TRAM1L1: variants seen among roughly 807,000 people sequenced by gnomAD.
TRAM1L1 encodes translocation associated membrane protein 1 like 1.
For synonymous variants in TRAM1L1, 189 were observed against 163.6 expected (o/e 1.16, Z -1.18); for missense variants, 451 against 439.9 (o/e 1.03, Z -0.23).
In TRAM1L1 at chr4:117,084,226, GA is replaced by G; in HGVS notation, c.*57del. ...CAAAAACAGAAAAATCTCTAGTGCA[GA>G]AAGAAACCTCAAAGAGCAGATTCCT... On this transcript the variant is annotated 3_prime_UTR_variant, in exon 1 of 1. Transcript: ENST00000310754. 6.7e-7 allele frequency: 1 copy of G among 1,501,908 alleles called. No individual in the cohort carries two copies. Among genetic ancestry groups the G allele is most frequent in the South Asian group, 1.4e-5 (1 of 72,616 alleles). 93.0% of individuals were successfully genotyped at this position (1,501,908 alleles called of 1,614,324 possible). A position where few individuals can be genotyped will look rare whatever the true frequency, so the allele number is the denominator to read the frequency against.
In TRAM1L1 at chr4:117,084,696, G is replaced by A. The variant is rs1471220289; in HGVS notation, c.698C>T (p.Ser233Phe). 6.2e-7 allele frequency: 1 copy of A among 1,613,978 alleles called. No individual in the cohort carries two copies. Among genetic ancestry groups the A allele is most frequent in the Non-Finnish European group, 8.5e-7 (1 of 1,180,028 alleles). The stretch of plus-strand genomic sequence containing the variant: ...AAAGTAAAACAGGCCGCACATGTGG[G>A]AAAGTAATTCAACAAAATAATGCAG... ...LVLHYFVELLSHMCGLFYFSD... is the reference protein window; with the variant it reads ...LVLHYFVELLFHMCGLFYFSD... Residue 233 changes from serine to phenylalanine, a missense_variant, in exon 1 of 1, where the codon TCC becomes TTC. Physicochemically the swap from Ser to Phe is radical, Grantham distance 155. Transcript: ENST00000310754.
At position 117,085,097 on chromosome 4, in the gene TRAM1L1, T is replaced by C; in HGVS notation, c.297A>G (p.Glu99=). The change falls in exon 1 of 1, where the codon GAA becomes GAG. Residue 99 remains glutamate (E), a synonymous_variant. Transcript: ENST00000310754. Reference sequence around the variant, plus strand: ...TCTTGTTAATTTTATCCAACACATATTCCTGAATTGTGGCATGAATAATGA... The same window carrying C: ...TCTTGTTAATTTTATCCAACACATACTCCTGAATTGTGGCATGAATAATGA... ...VAIIIHATIQ[E]YVLDKINKRM... is the part of the protein sequence containing the mutation. 6.2e-7 allele frequency: 1 copy of C among 1,614,174 alleles called. No homozygotes were observed. The highest frequency in any genetic ancestry group is 1.1e-5 in the South Asian group (1 of 91,088).
In TRAM1L1 at chr4:117,085,075, T is replaced by A; in HGVS notation, c.319A>T (p.Lys107Ter). 1 of 1,614,132 alleles carries A rather than the reference T, an allele frequency of 6.2e-7. No individual in the cohort carries two copies. Residue 107 changes from lysine to a stop codon, truncating the protein, a stop_gained, in exon 1 of 1, where the codon AAG becomes TAG. Transcript: ENST00000310754. LOFTEE classifies it low-confidence loss of function (END_TRUNC). ...IQEYVLDKIN[K>*]RMQFTKAKQN... The stretch of plus-strand genomic sequence containing the variant: ...TTCGCTTTGGTGAACTGCATTCTCT[T>A]GTTAATTTTATCCAACACATATTCC...
Position 117,084,296 on chromosome 4 carries a change from CT to C in TRAM1L1, c.1097del (p.Glu366GlyfsTer12). ...GCGCTTGCAAAGATTATGAAGATTT[CT>C]CTTTCCTCTTTGGCGGACAGTCTAC... ...NRVDCPPKRK[E>X]KSS On this transcript the variant is annotated frameshift_variant, in exon 1 of 1. Coordinates refer to ENST00000310754, the MANE Select transcript of TRAM1L1 (RefSeq NM_152402.3). LOFTEE classifies it high-confidence loss of function. 1 of 1,606,342 alleles carries C rather than the reference CT, an allele frequency of 6.2e-7. No homozygotes were observed. Among genetic ancestry groups the C allele is most frequent in the Non-Finnish European group, 8.5e-7 (1 of 1,177,558 alleles).
Position 117,084,932 on chromosome 4 carries a change from C to A in TRAM1L1, c.462G>T (p.Lys154Asn), listed in dbSNP as rs763042430. 61 of 1,614,012 alleles carry A rather than the reference C, an allele frequency of 3.8e-5. No individual in the cohort carries two copies. The highest frequency in any genetic ancestry group is 5.0e-5 in the Non-Finnish European group (59 of 1,180,016). ...NCLSDPTLIW[K>N]ARPHSMMTFQ... ...ATGTCATCATGCTATGGGGACGAGC[C>A]TTCCATATAAGAGTTGGGTCTGACA... Residue 154 changes from lysine (K) to asparagine (N), a missense_variant, in exon 1 of 1, where the codon AAG (lysine) becomes AAT (asparagine). Lys to Asn is a moderately conservative substitution (Grantham distance 94). Coordinates refer to ENST00000310754, the MANE Select transcript of TRAM1L1 (RefSeq NM_152402.3).
Position 117,085,441 on chromosome 4 carries a change from T to G in TRAM1L1, c.-48A>C. ...CCGGCGAGCCGCAGCTGCCTCCCCC[T>G]GGCTGCTCCTCACAGCGCCGCCGCC... On this transcript the variant is annotated 5_prime_UTR_variant, in exon 1 of 1. Transcript: ENST00000310754. 5 of 1,568,366 alleles carry G rather than the reference T, an allele frequency of 3.2e-6. No homozygotes were observed. The highest frequency in any genetic ancestry group is 4.3e-6 in the Non-Finnish European group (5 of 1,154,218).
chr4:117,084,717 T>G lies in TRAM1L1; in HGVS notation c.677A>C (p.His226Pro). ...GTGGGAAAGTAATTCAACAAAATAA[T>G]GCAGTACCAAAAGAAGAAGTCCCAA... ...NHLGLLLLVL[H>P]YFVELLSHMC... The change falls in exon 1 of 1, where the codon CAT becomes CCT. Residue 226 changes from histidine (H) to proline (P), a missense_variant. Coordinates refer to ENST00000310754, the MANE Select transcript of TRAM1L1 (RefSeq NM_152402.3). The G allele has an allele frequency of 6.2e-7, 1 of 1,614,016 alleles. No homozygotes were observed. The highest frequency in any genetic ancestry group is 8.5e-7 in the Non-Finnish European group (1 of 1,179,994).
chr4:117,085,364 G>T lies in TRAM1L1; in HGVS notation c.30C>A (p.Asn10Lys), dbSNP rs374197132. ...TGAATTCCTGGCTGAGAACGGGGGGGTTCTTGGTGCTCTTCTTACGGAGCC... is the reference window on the plus strand; with the variant it reads ...TGAATTCCTGGCTGAGAACGGGGGGTTTCTTGGTGCTCTTCTTACGGAGCC... MGLRKKSTK[N>K]PPVLSQEFIL... The change falls in exon 1 of 1, where the codon AAC (asparagine) becomes AAA (lysine). Residue 10 changes from asparagine (N) to lysine (K), a missense_variant. Physicochemically the swap from Asn to Lys is moderately conservative, Grantham distance 94 (BLOSUM62 0). Transcript: ENST00000310754. 9 of 1,613,188 alleles carry T rather than the reference G, an allele frequency of 5.6e-6. No individual in the cohort carries two copies. In the Admixed American group the frequency reaches 1.3e-4, roughly 24 times the overall value.
chr4:117,083,945 G>GT lies in TRAM1L1; in HGVS notation c.*338dup, dbSNP rs1732399557. 5.1e-6 allele frequency: 1 copy of GT among 196,696 alleles called. No homozygotes were observed. Among genetic ancestry groups the GT allele is most frequent in the African/African-American group, 2.3e-5 (1 of 42,760 alleles). The allele number at this position is 196,696 out of a possible 1,614,324, so 12.2% of individuals were successfully genotyped here. On this transcript the variant is annotated 3_prime_UTR_variant, in exon 1 of 1. Transcript: ENST00000310754. ...TTAGTATTATGAAACACTGGTGGGA[G>GT]TAAGAACCAGTATCATTGATATGCA...
chr4:117,085,357 C>A lies in TRAM1L1; in HGVS notation c.37G>T (p.Val13Phe). ...TGCAGGATGAATTCCTGGCTGAGAA[C>A]GGGGGGGTTCTTGGTGCTCTTCTTA... ...LRKKSTKNPP[V>F]LSQEFILQNH... Residue 13 changes from valine (V) to phenylalanine (F), a missense_variant, in exon 1 of 1, where the codon GTT becomes TTT. By Grantham distance (50) the Val-to-Phe change is conservative (BLOSUM62 -1). Transcript: ENST00000310754. 3 of 1,613,466 alleles carry A rather than the reference C, an allele frequency of 1.9e-6. No homozygotes were observed. The highest frequency in any genetic ancestry group is 2.5e-6 in the Non-Finnish European group (3 of 1,179,688).
rs150280299 is a variant in TRAM1L1 at position 117,084,697 on chromosome 4, A to C, written c.697T>G (p.Ser233Ala). 102 of 1,614,084 alleles carry C rather than the reference A, an allele frequency of 6.3e-5. No individual in the cohort carries two copies. In the African/African-American group the frequency reaches 1.2e-3, roughly 18 times the overall value. The change falls in exon 1 of 1, where the codon TCC (serine) becomes GCC (alanine). Residue 233 changes from serine (S) to alanine (A), a missense_variant. Coordinates refer to ENST00000310754, the MANE Select transcript of TRAM1L1 (RefSeq NM_152402.3). ...LVLHYFVELL[S>A]HMCGLFYFSD... ...AAGTAAAACAGGCCGCACATGTGGG[A>C]AAGTAATTCAACAAAATAATGCAGT...
Position 117,085,024 on chromosome 4 carries a change from G to T in TRAM1L1, c.370C>A (p.Gln124Lys). 1.9e-6 allele frequency: 3 copies of T among 1,614,042 alleles called. No individual in the cohort carries two copies. The South Asian group carries it at 3.3e-5, about 18-fold the overall frequency. ...AKQNKFNESG[Q>K]FSVFYFFSCI... is the part of the protein sequence containing the mutation. ...GAAAAAAAGTAGAACACACTAAACT[G>T]ACCAGACTCGTTAAACTTGTTTTGT... The change falls in exon 1 of 1, where the codon CAG (glutamine) becomes AAG (lysine). Residue 124 changes from glutamine (Q) to lysine (K), a missense_variant. Coordinates refer to ENST00000310754, the MANE Select transcript of TRAM1L1 (RefSeq NM_152402.3).
rs35809332 is a variant in TRAM1L1, at chr4:117,084,302, C to T, written c.1092G>A (p.Arg364=). 3,317 of 1,607,130 alleles carry T rather than the reference C, an allele frequency of 2.1e-3. 62 individuals are homozygous for T. In the African/African-American group the frequency reaches 0.039, roughly 19 times the overall value. The change falls in exon 1 of 1, where the codon AGG becomes AGA. Residue 364 remains arginine, a synonymous_variant. Coordinates refer to ENST00000310754, the MANE Select transcript of TRAM1L1 (RefSeq NM_152402.3). ...TSNRVDCPPK[R]KEKSS is the part of the protein sequence containing the mutation. ...GCAAAGATTATGAAGATTTCTCTTT[C>T]CTCTTTGGCGGACAGTCTACTCTAT...
chr4:117,085,385 G>A lies in TRAM1L1; in HGVS notation c.9C>T (p.Leu3=), dbSNP rs1336546802. Residue 3 remains leucine, a synonymous_variant, in exon 1 of 1, where the codon CTC becomes CTT. Transcript: ENST00000310754. MG[L]RKKSTKNPPV... ...GGGGGTTCTTGGTGCTCTTCTTACGGAGCCCCATGGTGGCGCTTCCCGGAT... is the reference window on the plus strand; with the variant it reads ...GGGGGTTCTTGGTGCTCTTCTTACGAAGCCCCATGGTGGCGCTTCCCGGAT... 1.9e-6 allele frequency: 3 copies of A among 1,607,138 alleles called. No individual in the cohort carries two copies. Among genetic ancestry groups the A allele is most frequent in the South Asian group, 1.1e-5 (1 of 90,928 alleles).
In TRAM1L1 at chr4:117,085,017, C is replaced by A. The variant is rs768496830; in HGVS notation, c.377G>T (p.Ser126Ile). The change falls in exon 1 of 1, where the codon AGT becomes ATT. Residue 126 changes from serine to isoleucine, a missense_variant. Ser to Ile is a moderately radical substitution (Grantham distance 142). Coordinates refer to ENST00000310754, the MANE Select transcript of TRAM1L1 (RefSeq NM_152402.3). ...AATACAAGAAAAAAAGTAGAACACACTAAACTGACCAGACTCGTTAAACTT... is the reference window on the plus strand; with the variant it reads ...AATACAAGAAAAAAAGTAGAACACAATAAACTGACCAGACTCGTTAAACTT... ...QNKFNESGQF[S>I]VFYFFSCIWG... is the part of the protein sequence containing the mutation. 8.1e-6 allele frequency: 13 copies of A among 1,613,978 alleles called. No individual in the cohort carries two copies. The South Asian group carries it at 1.2e-4, about 15-fold the overall frequency.
At position 117,084,224 on chromosome 4, in the gene TRAM1L1, C is replaced by T. The variant is rs1437593229; in HGVS notation, c.*60G>A. 2 of 1,493,822 alleles carry T rather than the reference C, an allele frequency of 1.3e-6. No homozygotes were observed. Among genetic ancestry groups the T allele is most frequent in the Admixed American group, 2.3e-5 (1 of 43,974 alleles). 92.5% of individuals were successfully genotyped at this position (1,493,822 alleles called of 1,614,324 possible). A position where few individuals can be genotyped will look rare whatever the true frequency, so the allele number is the denominator to read the frequency against. On this transcript the variant is annotated 3_prime_UTR_variant, in exon 1 of 1. Coordinates refer to ENST00000310754, the MANE Select transcript of TRAM1L1 (RefSeq NM_152402.3). ...TTCAAAAACAGAAAAATCTCTAGTG[C>T]AGAAAGAAACCTCAAAGAGCAGATT...
Position 117,085,370 on chromosome 4 carries a change from G to T in TRAM1L1, c.24C>A (p.Thr8=). The change falls in exon 1 of 1, where the codon ACC becomes ACA. Residue 8 remains threonine (T), a synonymous_variant. Transcript: ENST00000310754. The part of the protein sequence containing the change: MGLRKKS[T]KNPPVLSQEF... ...CCTGGCTGAGAACGGGGGGGTTCTT[G>T]GTGCTCTTCTTACGGAGCCCCATGG... 1 of 1,612,252 alleles carries T rather than the reference G, an allele frequency of 6.2e-7. No individual in the cohort carries two copies. The highest frequency in any genetic ancestry group is 8.5e-7 in the Non-Finnish European group (1 of 1,178,684).
Position 117,084,717 on chromosome 4 carries a change from T to A in TRAM1L1, c.677A>T (p.His226Leu), listed in dbSNP as rs759373120. 1.9e-6 allele frequency: 3 copies of A among 1,614,016 alleles called. No individual in the cohort carries two copies. The highest frequency in any genetic ancestry group is 1.1e-5 in the South Asian group (1 of 91,070). Residue 226 changes from histidine to leucine, a missense_variant, in exon 1 of 1, where the codon CAT becomes CTT. By Grantham distance (99) the His-to-Leu change is moderately conservative. Coordinates refer to ENST00000310754, the MANE Select transcript of TRAM1L1 (RefSeq NM_152402.3). ...GTGGGAAAGTAATTCAACAAAATAA[T>A]GCAGTACCAAAAGAAGAAGTCCCAA... ...NHLGLLLLVL[H>L]YFVELLSHMC...
At position 117,084,464 on chromosome 4, in the gene TRAM1L1, G is replaced by A. The variant is rs548978348; in HGVS notation, c.930C>T (p.Tyr310=). 1.1e-5 allele frequency: 17 copies of A among 1,613,950 alleles called. No homozygotes were observed. The highest frequency in any genetic ancestry group is 3.3e-5 in the Admixed American group (2 of 59,982). The change falls in exon 1 of 1, where the codon TAC becomes TAT. Residue 310 remains tyrosine, a synonymous_variant. Coordinates refer to ENST00000310754, the MANE Select transcript of TRAM1L1 (RefSeq NM_152402.3). The part of the protein sequence containing the change: ...VLSSSCTIQA[Y]VTWNLITLWL... ...AGAGAGTAATTAAGTTCCATGTTAC[G>A]TAGGCTTGGATCGTGCAACTGGACG...
Sources: allele counts gnomAD v4.1 joint callset, GRCh38; gene constraint gnomAD v4.1.1; transcripts MANE v1.5; gene names NCBI Gene and HGNC (gene_info 2026-07-23, HGNC 2026-07-21).